RARB: variants seen among roughly 807,000 people sequenced by gnomAD.
RARB encodes HBV-activated protein.
In RARB, 17 loss-of-function variants were observed where a neutral mutation model predicts 51.9. The ratio of observed to expected loss-of-function variants is 0.33; its 90% CI spans 0.22 to 0.49. The LOEUF (loss-of-function observed/expected upper bound fraction) is 0.49, where lower values mean the gene tolerates loss of function less well. RARB is among the 20% of genes least tolerant of loss of function. The pLI, the probability that RARB is intolerant of heterozygous loss-of-function variation, is 0.99. For missense variants in RARB, 369 were observed against 550.8 expected, an observed-to-expected ratio of 0.67 and a Z score of 3.30; for synonymous variants, 215 against 195.4, an observed-to-expected ratio of 1.10 and a Z score of -0.84.
intron 3 of RARB, among the ~76,000 whole-genome samples, chr3:25,079,806 T>A (rs1698955132): frequency 6.6e-6 from 1 of 152,204 alleles, no homozygotes; most frequent in Non-Finnish European, 1.5e-5. Context: ...CATGACTATA[T>A]TCATGAGGGA....
intron 2 of RARB, among the ~76,000 whole-genome samples, chr3:25,055,238 AAG>A (rs1262063557): frequency 6.6e-6 from 1 of 152,048 alleles, no homozygotes; most frequent in Non-Finnish European, 1.5e-5. Flanking sequence ...GGTAAATTAA[AAG>A]AGAAGATGAA....
intron 5 of RARB, among the ~76,000 whole-genome samples, chr3:25,215,921 A>G (rs79033259): frequency 6.6e-6 from 1 of 152,344 alleles, no homozygotes; most frequent in East Asian, 1.9e-4. Flanking sequence ...CTGGCACTTT[A>G]CAGGGGAAGA....
At chr3:24,894,068 T>A (rs1343170045) in intron 2 of RARB, among the ~76,000 whole-genome samples, 1 of 152,194 alleles carries the variant, frequency 6.6e-6, no homozygotes, top group Non-Finnish European at 1.5e-5. Context: ...TTATTTCCTA[T>A]ACATTTTTAG....
chr3:25,068,005 C>T (rs949189282), intron 3 of RARB, among the ~76,000 whole-genome samples: 24 of 151,288 alleles, frequency 1.6e-4, no homozygotes, highest in African/African-American at 5.8e-4. Flanking sequence ...CACACAGTGC[C>T]GCACACCTGT....
chr3:24,909,262 T>C (rs1694938787), intron 2 of RARB, among the ~76,000 whole-genome samples: 1 of 152,234 alleles, frequency 6.6e-6, no homozygotes, highest in Non-Finnish European at 1.5e-5. Flanking sequence ...CACTTATCCA[T>C]TCATTCATTC....
At chr3:24,965,619 T>G (rs1696238095) in intron 2 of RARB, among the ~76,000 whole-genome samples, 1 of 152,194 alleles carries the variant, frequency 6.6e-6, no homozygotes, top group South Asian at 2.1e-4. Flanking sequence ...CCTCTGTCCT[T>G]CTGTTTTGCC....
At chr3:25,103,815 G>C (rs1699448696) in intron 3 of RARB, among the ~76,000 whole-genome samples, 1 of 152,206 alleles carries the variant, frequency 6.6e-6, no homozygotes, top group Non-Finnish European at 1.5e-5. Context: ...AGGGTTGCCT[G>C]TCTTAGCCTT....
At chr3:25,187,164 G>A (rs1003125022) in intron 5 of RARB, among the ~76,000 whole-genome samples, 1 of 152,060 alleles carries the variant, frequency 6.6e-6, no homozygotes, top group Non-Finnish European at 1.5e-5. Flanking sequence ...AGAGCATGGT[G>A]AGAGGAAGAA....
intron 3 of RARB, among the ~76,000 whole-genome samples, chr3:25,554,723 G>A (rs1256663215): frequency 1.3e-5 from 2 of 152,110 alleles, no homozygotes; most frequent in African/African-American, 4.8e-5. Flanking sequence ...CTTGAAACTG[G>A]ATAATTCATA....
intron 3 of RARB, among the ~76,000 whole-genome samples, chr3:25,083,616 T>G (rs941581165): frequency 6.6e-6 from 1 of 152,208 alleles, no homozygotes; most frequent in African/African-American, 2.4e-5. Flanking sequence ...ATTCTAACGT[T>G]TCTGTCATGT....
intron 2 of RARB, among the ~76,000 whole-genome samples, chr3:25,491,124 A>G (rs1696712671): frequency 6.6e-6 from 1 of 152,166 alleles, no homozygotes; most frequent in African/African-American, 2.4e-5. Flanking sequence ...AGTGGCTTCC[A>G]AGTAGTGGTC....
At chr3:25,529,063 C>T (rs1299018) in intron 3 of RARB, among the ~76,000 whole-genome samples, 71,150 of 151,478 alleles carry the variant, frequency 0.47, 19,203 homozygotes, top group African/African-American at 0.73. Flanking sequence ...AGAGCTCAAA[C>T]GTGACAATGA....
At chr3:25,360,090 A>G (rs947733472) in intron 5 of RARB, among the ~76,000 whole-genome samples, 1 of 152,016 alleles carries the variant, frequency 6.6e-6, no homozygotes, top group Non-Finnish European at 1.5e-5. Flanking sequence ...AAGTTTCCCA[A>G]TATTATTGTG....
At position 25,233,241 on chromosome 3, in the gene RARB, G is replaced by A. The variant is rs191695519; in HGVS notation, c.178+58666G>A. 3.9e-3 allele frequency among the ~76,000 whole-genome samples: 592 copies of A among 152,094 alleles called. 6 individuals carry two copies. Among genetic ancestry groups the A allele is most frequent in the African/African-American group, 0.013 (553 of 41,504 alleles). ...CCAAAAGTGCTAGGATTACAGGTGC[G>A]AGCCACAGCACCCAGCCATTAAATG... is the stretch of plus-strand genomic sequence containing the variant. On this transcript the variant is annotated intron_variant, in intron 5 of 11. Coordinates refer to the RARB transcript ENST00000383772.
intron 5 of RARB, among the ~76,000 whole-genome samples, chr3:25,220,556 C>T (rs1213613450): frequency 6.6e-6 from 1 of 152,182 alleles, no homozygotes; most frequent in South Asian, 2.1e-4. Flanking sequence ...GGGGCAGTTT[C>T]CGCCCTGCTG....
chr3:24,841,334 C>T (rs1247249871), intron 1 of RARB, among the ~76,000 whole-genome samples: 2 of 152,190 alleles, frequency 1.3e-5, no homozygotes, highest in Non-Finnish European at 2.9e-5. Context: ...CATACACAAA[C>T]CCTGCTCTTC....
intron 2 of RARB, among the ~76,000 whole-genome samples, chr3:24,880,167 T>A (rs2125356072): frequency 6.6e-6 from 1 of 152,302 alleles, no homozygotes. Context: ...TAGTAATGGA[T>A]TCTGATCTGT....
At chr3:24,981,925 C>T (rs1228033469) in intron 2 of RARB, among the ~76,000 whole-genome samples, 1 of 152,164 alleles carries the variant, frequency 6.6e-6, no homozygotes, top group African/African-American at 2.4e-5. Context: ...TAGAATCACC[C>T]CTAAATTTTC....
intron 2 of RARB, among the ~76,000 whole-genome samples, chr3:24,897,602 G>C (rs557879140): frequency 6.6e-6 from 1 of 152,146 alleles, no homozygotes; most frequent in South Asian, 2.1e-4. Flanking sequence ...TTTGTTACAA[G>C]ATTAATACTT....
Sources: allele counts gnomAD v4.1 joint callset (sites outside exome capture counted in the v4.1 genomes callset), GRCh38; gene constraint gnomAD v4.1.1; transcripts MANE v1.5; gene names NCBI Gene and HGNC (gene_info 2026-07-23, HGNC 2026-07-21).